GPD2: variants seen among roughly 807,000 people sequenced by gnomAD.
The protein encoded by GPD2 is glycerol-3-phosphate dehydrogenase, mitochondrial.
Under a neutral mutation model 82.4 loss-of-function variants are expected in GPD2, and 54 were observed. The ratio of observed to expected loss-of-function variants is 0.66; its 90% CI spans 0.53 to 0.82. The LOEUF (loss-of-function observed/expected upper bound fraction) is 0.82, where lower values mean the gene tolerates loss of function less well. Among genes scored for constraint, GPD2 ranks in the 40% least tolerant of loss-of-function variants. GPD2 has a pLI of 0.00. For missense variants in GPD2, 748 were observed against 896.2 expected, an observed-to-expected ratio of 0.83 and a Z score of 2.11; for synonymous variants, 288 against 306.1, an observed-to-expected ratio of 0.94 and a Z score of 0.62.
chr2:156,528,026 G>C (rs943734268), intron 6 of GPD2, among the ~76,000 whole-genome samples: 1 of 151,924 alleles, frequency 6.6e-6, no homozygotes, highest in Non-Finnish European at 1.5e-5. Context: ...GAAAAAGAAG[G>C]TAAAAATACA....
the GPD2 span, among the ~76,000 whole-genome samples, chr2:156,400,751 G>A: frequency 2.7e-4 from 41 of 152,340 alleles, no homozygotes; most frequent in African/African-American, 8.9e-4. Flanking sequence ...ATGGACACCA[G>A]AAATATGCTT....
intron 1 of GPD2, among the ~76,000 whole-genome samples, chr2:156,457,407 G>A (rs1337926427): frequency 1.3e-5 from 2 of 152,224 alleles, no homozygotes; most frequent in East Asian, 3.9e-4. Context: ...CTGATCTGAA[G>A]GGAAAATCCT....
chr2:156,549,582 C>T (rs776587596), intron 6 of GPD2, 26 bp from the exon 7 acceptor site: 2 of 1,610,804 alleles, frequency 1.2e-6, no homozygotes, highest in South Asian at 1.1e-5. Flanking sequence ...ACTCCTCTCC[C>T]TCCCCTGATG....
intron 2 of GPD2, among the ~76,000 whole-genome samples, chr2:156,482,351 A>G (rs1049673655): frequency 6.6e-6 from 1 of 152,204 alleles, no homozygotes; most frequent in Non-Finnish European, 1.5e-5. Context: ...AACTGTTATA[A>G]TAAGTTCCTT....
chr2:156,434,827 G>A (rs1688377818), upstream of GPD2, among the ~76,000 whole-genome samples: 3 of 152,200 alleles, frequency 2.0e-5, no homozygotes, highest in Admixed American at 2.0e-4. Context: ...CCCAGCCCCA[G>A]AGTCTATGAA....
At chr2:156,558,765 C>CT (rs34524248) in intron 9 of GPD2, among the ~76,000 whole-genome samples, 651 of 40,862 alleles carry the variant, frequency 0.016, 37 homozygotes, top group Admixed American at 0.024. Flanking sequence ...GCCCAGCTAA[C>CT]TTTTTTTTTT....
intron 2 of GPD2, chr2:156,495,647 C>T (rs780541726): frequency 3.1e-5 from 14 of 447,460 alleles, no homozygotes; most frequent in Admixed American, 1.6e-4. Flanking sequence ...TTTTCCTCCT[C>T]CTTCACCACT....
rs558761557 is a variant in GPD2 at position 156,551,353 on chromosome 2, G to A, written c.971+607G>A. ...AAGCTGGGTGATGGGTACATGGAGC[G>A]TCATTAAACTCTTTTTATATATGTT... On this transcript the variant is annotated intron_variant, in intron 8 of 16. Transcript: ENST00000438166. 3.6e-4 allele frequency among the ~76,000 whole-genome samples: 55 copies of A among 152,200 alleles called. 1 individual carries two copies. In the East Asian group the frequency reaches 8.1e-3, roughly 22 times the overall value.
chr2:156,522,020 C>T (rs1685426573), intron 6 of GPD2, among the ~76,000 whole-genome samples: 1 of 151,830 alleles, frequency 6.6e-6, no homozygotes, highest in Non-Finnish European at 1.5e-5. Context: ...ATCTGGATAC[C>T]AGCTAATGCT....
chr2:156,559,055 G>C (rs549676077), intron 9 of GPD2, among the ~76,000 whole-genome samples: 1 of 151,904 alleles, frequency 6.6e-6, no homozygotes. Flanking sequence ...TTGAATCTTC[G>C]TGTCTAATTT....
At chr2:156,466,372 A>G (rs1683149356) in intron 1 of GPD2, among the ~76,000 whole-genome samples, 1 of 152,174 alleles carries the variant, frequency 6.6e-6, no homozygotes, top group African/African-American at 2.4e-5. Flanking sequence ...ATTATGAATT[A>G]AGCTGTGGTT....
intron 3 of GPD2, among the ~76,000 whole-genome samples, chr2:156,505,653 T>G (rs906840460): frequency 6.6e-6 from 1 of 152,162 alleles, no homozygotes; most frequent in Non-Finnish European, 1.5e-5. Flanking sequence ...CTTTCTACTT[T>G]GAGGGAAGAT....
At chr2:156,494,704 C>T (rs1003686757) in intron 2 of GPD2, among the ~76,000 whole-genome samples, 12 of 152,176 alleles carry the variant, frequency 7.9e-5, no homozygotes, top group African/African-American at 2.9e-4. Flanking sequence ...GGGGCTCCTG[C>T]AGCAGAATGG....
chr2:156,410,205 G>A, the GPD2 span, among the ~76,000 whole-genome samples: 23 of 152,280 alleles, frequency 1.5e-4, no homozygotes, highest in South Asian at 8.3e-4. Context: ...TCACACATGC[G>A]GGTGAATACT....
At chr2:156,425,112 T>C in the GPD2 span, among the ~76,000 whole-genome samples, 1 of 152,086 alleles carries the variant, frequency 6.6e-6, no homozygotes, top group Non-Finnish European at 1.5e-5. Flanking sequence ...TTTTTGTTTT[T>C]CTGGAGATAG....
chr2:156,544,370 C>T (rs1347097), intron 6 of GPD2, among the ~76,000 whole-genome samples: 2,175 of 152,268 alleles, frequency 0.014, 27 homozygotes, highest in Non-Finnish European at 0.021. Context: ...CATTTACCAA[C>T]ATTCCGTTGG....
intron 13 of GPD2, among the ~76,000 whole-genome samples, chr2:156,573,407 TAA>T (rs1213505018): frequency 2.0e-5 from 3 of 152,288 alleles, no homozygotes; most frequent in Non-Finnish European, 2.9e-5. Flanking sequence ...TTTGATTAGC[TAA>T]AGCTCCGTAC....
intron 1 of GPD2, among the ~76,000 whole-genome samples, chr2:156,447,954 C>T (rs888156412): frequency 1.7e-4 from 26 of 152,184 alleles, no homozygotes; most frequent in Admixed American, 6.5e-4. Flanking sequence ...GGCATTTCCA[C>T]TTGCATGTCC....
At chr2:156,536,503 C>A (rs1686087072) in intron 6 of GPD2, among the ~76,000 whole-genome samples, 1 of 152,224 alleles carries the variant, frequency 6.6e-6, no homozygotes, top group Non-Finnish European at 1.5e-5. Context: ...CGATGAGTAA[C>A]TCTTATTCTT....
Sources: allele counts gnomAD v4.1 joint callset (sites outside exome capture counted in the v4.1 genomes callset), GRCh38; gene constraint gnomAD v4.1.1; transcripts MANE v1.5; gene names NCBI Gene and HGNC (gene_info 2026-07-23, HGNC 2026-07-21).